MET: variants seen among roughly 807,000 people sequenced by gnomAD.
MET encodes hepatocyte growth factor receptor.
In MET, 48 loss-of-function variants were observed where a neutral mutation model predicts 133.1. The observed-to-expected ratio is 0.36, with a 90% CI of 0.29 to 0.46. The LOEUF is 0.46. Among genes scored for constraint, MET ranks in the 20% least tolerant of loss-of-function variants. The probability of loss-of-function intolerance (pLI) is 1.00; values close to 1 mark genes in which losing one functional copy is unlikely to be tolerated. For synonymous variants in MET, 628 were observed against 616.5 expected (o/e 1.02, Z -0.28); for missense variants, 1,442 against 1,695.9 (o/e 0.85, Z 2.63).
At chr7:116,784,401 G>C (rs936435144) in intron 19 of MET, among the ~76,000 whole-genome samples, 2 of 152,106 alleles carry the variant, frequency 1.3e-5, no homozygotes, top group Non-Finnish European at 2.9e-5. Flanking sequence ...ACTGAGCCTG[G>C]GTAACTTATA....
Position 116,759,484 on chromosome 7 carries a change from T to C in MET, c.2358T>C (p.Phe786=), listed in dbSNP as rs776829098. Residue 786 remains phenylalanine (F), a synonymous_variant, in exon 10 of 21, where the codon TTT becomes TTC. Transcript: ENST00000397752. ...ATGTGCATGAAGCAGGAAGGAACTT[T>C]ACAGTGGTAAGTCCTTTGAGCAATG... The part of the protein sequence containing the change: ...VINVHEAGRN[F]TVACQHRSNS... The C allele has an allele frequency of 6.2e-7, 1 of 1,613,228 alleles. No individual in the cohort carries two copies.
At chr7:116,782,129 A>G in intron 18 of MET, 32 bp downstream of exon 18, 1 of 1,430,494 alleles carries the variant, frequency 7.0e-7, no homozygotes, top group South Asian at 1.2e-5. Context: ...CCACAATCCA[A>G]ATTAAGTGAC....
At chr7:116,743,183 G>T (rs1243592867) in intron 5 of MET, among the ~76,000 whole-genome samples, 1 of 152,226 alleles carries the variant, frequency 6.6e-6, no homozygotes. Context: ...ACTGTGTTGT[G>T]AGGAACAATG....
chr7:116,689,447 T>G (rs1196169572), intron 1 of MET, among the ~76,000 whole-genome samples: 1 of 152,144 alleles, frequency 6.6e-6, no homozygotes, highest in Non-Finnish European at 1.5e-5. Flanking sequence ...TAAAATACAT[T>G]CCTGGGACAT....
At chr7:116,681,106 A>G (rs1244819755) in intron 1 of MET, among the ~76,000 whole-genome samples, 1 of 152,160 alleles carries the variant, frequency 6.6e-6, no homozygotes, top group African/African-American at 2.4e-5. Flanking sequence ...CTGGAGAAAG[A>G]TAGACTATCA....
At chr7:116,775,173 C>T (rs2117032958) in intron 15 of MET, 62 bp downstream of exon 15, 2 of 1,515,344 alleles carry the variant, frequency 1.3e-6, no homozygotes, top group Non-Finnish European at 9.1e-7. Flanking sequence ...TTATCTTTGG[C>T]CTTTGCAGAT....
At chr7:116,748,006 G>A (rs1415521320) in intron 5 of MET, among the ~76,000 whole-genome samples, 1 of 152,250 alleles carries the variant, frequency 6.6e-6, no homozygotes, top group Non-Finnish European at 1.5e-5. Context: ...AGCACTTTGG[G>A]AGGCTGAGGC....
Position 116,763,287 on chromosome 7 carries a change from A to G in MET, c.2583+19A>G, listed in dbSNP as rs1483403135. The G allele has an allele frequency of 6.3e-7, 1 of 1,598,012 alleles. No homozygotes were observed. The highest frequency in any genetic ancestry group is 8.6e-7 in the Non-Finnish European group (1 of 1,166,152). ...AATTAAGGTAAGAAATGCTTTAAAC[A>G]CTGTCTTAAATCATCAGCTCAAACT... is the stretch of plus-strand genomic sequence containing the variant. On this transcript the variant is annotated intron_variant, in intron 11 of 20. Transcript: ENST00000397752.
intron 1 of MET, among the ~76,000 whole-genome samples, chr7:116,696,727 C>G (rs1210834839): frequency 6.6e-6 from 1 of 152,218 alleles, no homozygotes; most frequent in East Asian, 1.9e-4. Context: ...TAACCATCAC[C>G]TCTGTGCAGA....
At chr7:116,706,135 A>T (rs182517414) in intron 2 of MET, among the ~76,000 whole-genome samples, 2 of 152,158 alleles carry the variant, frequency 1.3e-5, no homozygotes, top group Non-Finnish European at 2.9e-5. Flanking sequence ...AACTGTGGGT[A>T]GGTTTTACCC....
In MET at chr7:116,740,896, G is replaced by A. The variant is rs201878238; in HGVS notation, c.1572G>A (p.Gln524=). The A allele has an allele frequency of 6.2e-7, 1 of 1,613,982 alleles. No individual in the cohort carries two copies. The highest frequency in any genetic ancestry group is 8.5e-7 in the Non-Finnish European group (1 of 1,180,036). Residue 524 remains glutamine (Q), a synonymous_variant, in exon 5 of 21, where the codon CAG becomes CAA. Transcript: ENST00000397752. The part of the protein sequence containing the change: ...PLNGLGCRHF[Q]SCSQCLSAPP... The stretch of plus-strand genomic sequence containing the variant: ...ATGGCTTGGGCTGCAGACATTTCCA[G>A]TCCTGCAGTCAATGCCTCTCTGCCC...
intron 3 of MET, among the ~76,000 whole-genome samples, chr7:116,735,574 T>C (rs554167410): frequency 7.2e-5 from 11 of 152,292 alleles, no homozygotes; most frequent in African/African-American, 2.6e-4. Context: ...TTTTAGAGTA[T>C]GTAGATGCAG....
chr7:116,706,634 C>T (rs1791805391), intron 2 of MET, among the ~76,000 whole-genome samples: 1 of 151,992 alleles, frequency 6.6e-6, no homozygotes, highest in Non-Finnish European at 1.5e-5. Context: ...TTCTTATCTC[C>T]TCAGTCTAAA....
intron 19 of MET, among the ~76,000 whole-genome samples, chr7:116,787,551 G>A (rs540563103): frequency 6.6e-5 from 10 of 152,272 alleles, no homozygotes; most frequent in African/African-American, 2.4e-4. Flanking sequence ...GAGAGCAAGA[G>A]GTGAACAGAT....
chr7:116,682,387 C>T (rs1796393251), intron 1 of MET, among the ~76,000 whole-genome samples: 1 of 152,134 alleles, frequency 6.6e-6, no homozygotes, highest in South Asian at 2.1e-4. Context: ...TCTTTAACAT[C>T]TTTAGACTGT....
intron 2 of MET, among the ~76,000 whole-genome samples, chr7:116,723,696 C>G (rs1792599458): frequency 6.6e-6 from 1 of 152,194 alleles, no homozygotes; most frequent in Non-Finnish European, 1.5e-5. Context: ...AGTTTTCCTT[C>G]TAACAGACAG....
intron 2 of MET, among the ~76,000 whole-genome samples, chr7:116,702,895 G>A (rs985169263): frequency 3.3e-5 from 5 of 152,100 alleles, no homozygotes; most frequent in South Asian, 4.1e-4. Flanking sequence ...TGCCAGGGAC[G>A]GGCCTTTTAC....
intron 14 of MET, among the ~76,000 whole-genome samples, chr7:116,772,487 G>A (rs1272312513): frequency 6.6e-6 from 1 of 152,040 alleles, no homozygotes; most frequent in Non-Finnish European, 1.5e-5. Context: ...CTTAGCCAAG[G>A]AAAACCTTCA....
At position 116,797,442 on chromosome 7, in the gene MET, C is replaced by T. The variant is rs1795710956; in HGVS notation, c.*1318C>T. On this transcript the variant is annotated 3_prime_UTR_variant, in exon 21 of 21. Transcript: ENST00000397752. ...TGTGTTTTATGTTAAGCAAAACATACTTTAGAAACAAATGAAAAAGGCAAT... is the reference window on the plus strand; with the variant it reads ...TGTGTTTTATGTTAAGCAAAACATATTTTAGAAACAAATGAAAAAGGCAAT... 4.4e-6 allele frequency: 1 copy of T among 227,362 alleles called. No individual in the cohort carries two copies. The highest frequency in any genetic ancestry group is 1.8e-4 in the South Asian group (1 of 5,438). 14.1% of individuals were successfully genotyped at this position (227,362 alleles called of 1,614,324 possible). A position where few individuals can be genotyped will look rare whatever the true frequency, so the allele number is the denominator to read the frequency against.
Sources: allele counts gnomAD v4.1 joint callset (sites outside exome capture counted in the v4.1 genomes callset), GRCh38; gene constraint gnomAD v4.1.1; transcripts MANE v1.5; gene names NCBI Gene and HGNC (gene_info 2026-07-23, HGNC 2026-07-21).